The following DST variants were observed in gnomAD, a reference collection of about 807,000 sequenced individuals.
The protein encoded by DST is bullous pemphigoid antigen.
A neutral mutation model predicts 875.2 loss-of-function variants in DST; 253 were observed. The observed-to-expected ratio is 0.29, with a 90% CI of 0.26 to 0.32. DST has a LOEUF of 0.32. Ranked by LOEUF, DST falls within the 10% of genes least tolerant of loss-of-function variation. The pLI, the probability that DST is intolerant of heterozygous loss-of-function variation, is 1.00. For missense variants in DST, 8,287 were observed against 9,111.6 expected, an observed-to-expected ratio of 0.91 and a Z score of 3.68; for synonymous variants, 3,124 against 3,197.1, an observed-to-expected ratio of 0.98 and a Z score of 0.77.
intron 66 of DST, 74 bp from the exon 67 acceptor site, chr6:56,528,999 G>A (rs2096850325): frequency 5.4e-6 from 5 of 931,244 alleles, no homozygotes; most frequent in Non-Finnish European, 8.5e-6. Flanking sequence ...TAATCTCAGA[G>A]AACTTTAATT....
intron 10 of DST, among the ~76,000 whole-genome samples, chr6:56,655,525 C>A (rs566547631): frequency 6.6e-6 from 1 of 152,264 alleles, no homozygotes; most frequent in South Asian, 2.1e-4. Flanking sequence ...GTTGTGCTGG[C>A]TTTCAGCTGG....
intron 4 of DST, among the ~76,000 whole-genome samples, chr6:56,807,614 G>C (rs369011445): frequency 1.3e-5 from 2 of 152,142 alleles, no homozygotes; most frequent in East Asian, 1.9e-4. Context: ...CTTCCCAGAG[G>C]TGCCAAGTTA....
chr6:56,634,322 T>C, intron 26 of DST, 64 bp from the exon 27 acceptor site: 1 of 1,612,010 alleles, frequency 6.2e-7, no homozygotes. Context: ...CACTGCAATT[T>C]TTCTTTTTGT....
At chr6:56,506,844 TA>T in intron 75 of DST, 55 bp from the exon 76 acceptor site, 1 of 1,549,638 alleles carries the variant, frequency 6.5e-7, no homozygotes, top group Non-Finnish European at 8.7e-7. Context: ...ATCAAAACTT[TA>T]AAAAGTACAC....
At chr6:56,521,601 GAAAAAAAAA>G (rs10547460) in intron 69 of DST, among the ~76,000 whole-genome samples, 3 of 92,042 alleles carry the variant, frequency 3.3e-5, no homozygotes, top group South Asian at 4.1e-4. Flanking sequence ...CTCTGCTAAG[GAAAAAAAAA>G]AAAAAAAAAA....
intron 98 of DST, among the ~76,000 whole-genome samples, chr6:56,467,772 T>A (rs1360446584): frequency 1.3e-5 from 2 of 152,174 alleles, no homozygotes; most frequent in East Asian, 3.8e-4. Context: ...ACTAACATCA[T>A]CTTCAGAATT....
At chr6:56,715,477 CCTAA>C (rs985324618) in intron 5 of DST, among the ~76,000 whole-genome samples, 1 of 152,162 alleles carries the variant, frequency 6.6e-6, no homozygotes, top group African/African-American at 2.4e-5. Context: ...TTAGAAGTTG[CCTAA>C]CTTTCTAACC....
Position 56,486,390 on chromosome 6 carries a change from A to AT in DST, c.21047+713dup, listed in dbSNP as rs145789119. Among the ~76,000 whole-genome samples, 1,205 of 141,184 alleles carry AT rather than the reference A, an allele frequency of 8.5e-3. 23 individuals are homozygous for AT. The highest frequency in any genetic ancestry group is 0.03 in the African/African-American group (1,152 of 39,004). The allele number at this position is 141,184 out of a possible 152,430, so 92.6% of individuals were successfully genotyped here. ...AAAAAAAAAAAAAAAAAAAAAAAGG[A>AT]TTTTTTCAAAACTAACATGACAAAA... is the stretch of plus-strand genomic sequence containing the variant. On this transcript the variant is annotated intron_variant, in intron 87 of 103. Transcript: ENST00000680361.
At position 56,511,119 on chromosome 6, in the gene DST, T is replaced by A; in HGVS notation, c.18780+78A>T. 3 of 1,250,856 alleles carry A rather than the reference T, an allele frequency of 2.4e-6. No individual in the cohort carries two copies. The Admixed American group carries it at 7.0e-5, about 29-fold the overall frequency. The allele number at this position is 1,250,856 out of a possible 1,614,324, so 77.5% of individuals were successfully genotyped here. A position where few individuals can be genotyped will look rare whatever the true frequency, so the allele number is the denominator to read the frequency against. On this transcript the variant is annotated intron_variant, in intron 73 of 103. Coordinates refer to ENST00000680361, the MANE Select transcript of DST (RefSeq NM_001374736.1). Reference sequence around the variant, plus strand: ...TGAAATAATTTTAGTTAAAATTTAATCAGGAAATCCAGGAAAATGTCTTTC... The same window carrying A: ...TGAAATAATTTTAGTTAAAATTTAAACAGGAAATCCAGGAAAATGTCTTTC...
intron 4 of DST, among the ~76,000 whole-genome samples, chr6:56,819,511 G>GT (rs2099770520): frequency 6.6e-6 from 1 of 152,128 alleles, no homozygotes; most frequent in South Asian, 2.1e-4. Flanking sequence ...TAGGAAAAAA[G>GT]TAATTTATTA....
intron 74 of DST, 122 bp from the exon 75 acceptor site, chr6:56,508,877 G>GT: frequency 1.4e-6 from 1 of 731,216 alleles, no homozygotes; most frequent in South Asian, 2.0e-5. Context: ...ACTGGACCAA[G>GT]TTTTGAATGA....
chr6:56,762,223 T>C (rs777463916), intron 4 of DST, among the ~76,000 whole-genome samples: 3 of 152,172 alleles, frequency 2.0e-5, no homozygotes, highest in Non-Finnish European at 4.4e-5. Context: ...GGTTTCTCCA[T>C]GTTGGTCAGG....
rs60172134 is a variant in DST, at chr6:56,770,925, G to A, written c.626-35636C>T. On this transcript the variant is annotated intron_variant, in intron 4 of 103. Coordinates refer to ENST00000680361, the MANE Select transcript of DST (RefSeq NM_001374736.1). The stretch of plus-strand genomic sequence containing the variant: ...TGAGGCAGGAGAATAGCTTGAACCC[G>A]GGAGGCAGAGGTTGCGTGAGCCAAG... 6.8e-3 allele frequency among the ~76,000 whole-genome samples: 1,038 copies of A among 151,686 alleles called. 14 individuals carry two copies. Among genetic ancestry groups the A allele is most frequent in the African/African-American group, 0.024 (1,005 of 41,328 alleles).
intron 13 of DST, among the ~76,000 whole-genome samples, chr6:56,646,987 C>A (rs997960143): frequency 2.0e-5 from 3 of 152,316 alleles, no homozygotes; most frequent in South Asian, 2.1e-4. Context: ...ATGCAATTAT[C>A]TGGCATTTCC....
In DST at chr6:56,527,642, G is replaced by C. The variant is rs375741323; in HGVS notation, c.17773C>G (p.Leu5925Val). 40 of 1,613,680 alleles carry C rather than the reference G, an allele frequency of 2.5e-5. No individual in the cohort carries two copies. The highest frequency in any genetic ancestry group is 4.2e-6 in the Non-Finnish European group (5 of 1,179,860). The stretch of plus-strand genomic sequence containing the variant: ...CTTGCAAGCTGCAGCGCCTGTTCCA[G>C]AGTCTTGGCCACATCAGTGCTCAGT... Reference protein sequence around the residue: ...TKLSTDVAKTLEQALQLARRL... With the variant: ...TKLSTDVAKTVEQALQLARRL... The change falls in exon 68 of 104, where the codon CTG becomes GTG. Residue 5925 changes from leucine to valine, a missense_variant. Transcript: ENST00000680361.
At chr6:56,622,089 T>C (rs2098694740) in intron 36 of DST, among the ~76,000 whole-genome samples, 3 of 152,188 alleles carry the variant, frequency 2.0e-5, no homozygotes. Flanking sequence ...AAATACTAAG[T>C]TTTCAGTATT....
chr6:56,914,002 A>C (rs1799811737), intron 2 of DST, among the ~76,000 whole-genome samples: 1 of 152,212 alleles, frequency 6.6e-6, no homozygotes, highest in Admixed American at 6.5e-5. Flanking sequence ...GGATAAAGTC[A>C]TTAGCCACTG....
intron 2 of DST, among the ~76,000 whole-genome samples, chr6:56,922,858 A>G (rs1376131557): frequency 6.6e-6 from 1 of 152,222 alleles, no homozygotes; most frequent in Non-Finnish European, 1.5e-5. Flanking sequence ...TTCACAGTTT[A>G]GCAATTATAA....
chr6:56,607,059 A>G lies in DST; in HGVS notation c.7569T>C (p.Asn2523=), dbSNP rs758709748. The change falls in exon 40 of 104, where the codon AAT becomes AAC. Residue 2523 remains asparagine (N), a synonymous_variant. Transcript: ENST00000680361. The stretch of plus-strand genomic sequence containing the variant: ...CAGAAGTATTTGAAATGTATTTATC[A>G]TTGTGATATTGTACTTGAGGATTAC... The part of the protein sequence containing the change: ...ISSNPQVQYH[N]DKYISNTSGE... The G allele has an allele frequency of 6.2e-7, 1 of 1,613,218 alleles. No individual in the cohort carries two copies. The highest frequency in any genetic ancestry group is 8.5e-7 in the Non-Finnish European group (1 of 1,179,554).
Sources: gnomAD v4.1 joint callset for allele counts (sites outside exome capture counted in the v4.1 genomes callset) on GRCh38, gnomAD v4.1.1 for gene constraint, MANE v1.5 for transcripts, NCBI Gene and HGNC (gene_info 2026-07-23, HGNC 2026-07-21) for gene names.